AGL: variants seen among roughly 807,000 people sequenced by gnomAD.
AGL encodes glycogen debranching enzyme.
AGL carries 128 observed loss-of-function variants against 199.3 expected under a neutral mutation model. The ratio of observed to expected loss-of-function variants is 0.64; its 90% CI spans 0.56 to 0.74. The LOEUF is 0.74. Among genes scored for constraint, AGL ranks in the 30% least tolerant of loss-of-function variants. The pLI, the probability that AGL is intolerant of heterozygous loss-of-function variation, is 0.00. For missense variants in AGL, 1,809 were observed against 1,820.8 expected, an observed-to-expected ratio of 0.99 and a Z score of 0.12; for synonymous variants, 584 against 594.7, an observed-to-expected ratio of 0.98 and a Z score of 0.26.
At chr1:99,916,356 T>C in intron 31 of AGL, 54 bp from the exon 32 acceptor site, 1 of 1,371,980 alleles carries the variant, frequency 7.3e-7, no homozygotes, top group Non-Finnish European at 1.0e-6. Context: ...TCTAATGCTT[T>C]TTACATAATA....
At chr1:99,906,202 A>G (rs1364791487) in intron 27 of AGL, among the ~76,000 whole-genome samples, 3 of 152,234 alleles carry the variant, frequency 2.0e-5, no homozygotes, top group Non-Finnish European at 4.4e-5. Flanking sequence ...CAATTATCCT[A>G]GGGACCTCAT....
rs1163779793 is a variant in AGL, at chr1:99,890,840, G to GA, written c.2813-374dup. ...TGATGAACCCACTACTTTTCAACAT[G>GA]AAAAAATACAGGCTTATTACTTTTC... is the stretch of plus-strand genomic sequence containing the variant. On this transcript the variant is annotated intron_variant, in intron 21 of 33. Coordinates refer to ENST00000361915, the MANE Select transcript of AGL (RefSeq NM_000642.3). Among the ~76,000 whole-genome samples, 7 of 152,096 alleles carry GA rather than the reference G, an allele frequency of 4.6e-5. No individual in the cohort carries two copies. The East Asian group carries it at 9.6e-4, about 21-fold the overall frequency.
intron 33 of AGL, 101 bp downstream of exon 33, chr1:99,916,832 AG>A: frequency 7.9e-7 from 1 of 1,268,216 alleles, no homozygotes; most frequent in Non-Finnish European, 1.1e-6. Flanking sequence ...TGTATGCCCT[AG>A]GTATCCCAAT....
At chr1:99,873,141 A>G (rs1031939014) in intron 7 of AGL, among the ~76,000 whole-genome samples, 1 of 151,684 alleles carries the variant, frequency 6.6e-6, no homozygotes, top group African/African-American at 2.4e-5. Context: ...TCTAATTTGT[A>G]TTTTTACATT....
intron 7 of AGL, chr1:99,874,455 T>A: frequency 2.3e-6 from 1 of 429,296 alleles, no homozygotes. Context: ...TATGTTATTT[T>A]TGTCTCTGTT....
At chr1:99,911,838 G>T (rs1430283741) in intron 28 of AGL, among the ~76,000 whole-genome samples, 12 of 152,102 alleles carry the variant, frequency 7.9e-5, no homozygotes, top group Non-Finnish European at 4.4e-5. Context: ...ACTTTGGGAG[G>T]TTGGGAGGTT....
Position 99,880,680 on chromosome 1 carries a change from G to T in AGL, c.1784G>T (p.Arg595Leu). Residue 595 changes from arginine (R) to leucine (L), a missense_variant, in exon 14 of 34, where the codon CGA becomes CTA. Coordinates refer to ENST00000361915, the MANE Select transcript of AGL (RefSeq NM_000642.3). ...CATGAAGAGGGCAGATTAGTTTACC[G>T]ATATGGAGGAGAACCTGTTGGATCC... ...NSHEEGRLVY[R>L]YGGEPVGSFV... The T allele has an allele frequency of 6.2e-7, 1 of 1,614,044 alleles. No individual in the cohort carries two copies. Among genetic ancestry groups the T allele is most frequent in the Non-Finnish European group, 8.5e-7 (1 of 1,179,936 alleles).
chr1:99,896,517 TTTTA>T (rs745370395), intron 25 of AGL, 129 bp downstream of exon 25: 6 of 771,312 alleles, frequency 7.8e-6, no homozygotes, highest in Non-Finnish European at 1.3e-5. Context: ...GTAGTTTTTA[TTTTA>T]TTTTTGTATG....
rs539108137 is a variant in AGL, at chr1:99,892,439, C to T, written c.3091C>T (p.Gln1031Ter). ...TAWKQMSSFVQNGSTFVKHLS... is the reference protein window; with the variant it reads ...TAWKQMSSFV ...CAATCACTTTTGTTACAGCTTTGTT[C>T]AGAATGGTTCAACCTTTGTGAAACA... Residue 1031 changes from glutamine (Q) to a stop codon, truncating the protein, a stop_gained, in exon 24 of 34, where the codon CAG becomes TAG. Transcript: ENST00000361915. LOFTEE classifies it high-confidence loss of function. 6.2e-7 allele frequency: 1 copy of T among 1,613,392 alleles called. No homozygotes were observed. The highest frequency in any genetic ancestry group is 1.1e-5 in the South Asian group (1 of 91,032).
At chr1:99,883,938 T>C (rs1019331350) in intron 17 of AGL, among the ~76,000 whole-genome samples, 182 bp from the exon 18 acceptor site, 2 of 152,188 alleles carry the variant, frequency 1.3e-5, no homozygotes, top group African/African-American at 4.8e-5. Context: ...AACTAAGCTG[T>C]AATTTTTTTT....
At chr1:99,878,837 C>T (rs926236503) in intron 12 of AGL, among the ~76,000 whole-genome samples, 8 of 152,064 alleles carry the variant, frequency 5.3e-5, no homozygotes, top group South Asian at 2.1e-4. Flanking sequence ...CAAAAAATGA[C>T]GGCTTTATTT....
intron 24 of AGL, among the ~76,000 whole-genome samples, chr1:99,894,846 C>A (rs2100799675): frequency 6.6e-6 from 1 of 152,230 alleles, no homozygotes; most frequent in South Asian, 2.1e-4. Flanking sequence ...TGAATACATA[C>A]TTGTTGGTGA....
intron 4 of AGL, among the ~76,000 whole-genome samples, chr1:99,863,087 C>CT (rs1311682220): frequency 6.6e-6 from 1 of 151,842 alleles, no homozygotes. Flanking sequence ...TTATAGGCAC[C>CT]TGCCACCATG....
At chr1:99,855,781 A>G (rs867513724) in intron 2 of AGL, among the ~76,000 whole-genome samples, 20 of 152,238 alleles carry the variant, frequency 1.3e-4, no homozygotes, top group Admixed American at 5.2e-4. Context: ...AGCCTGGGCA[A>G]CAGAGCGAGA....
chr1:99,910,782 C>T lies in AGL; in HGVS notation c.3771C>T (p.Gly1257=), dbSNP rs760738241. Reference sequence around the variant, plus strand: ...ATGGAGGAAATCGTTTCAATTGTGGCACATGGATGGATAAAATGGGAGAAA... The same window carrying T: ...ATGGAGGAAATCGTTTCAATTGTGGTACATGGATGGATAAAATGGGAGAAA... ...FVYGGNRFNC[G]TWMDKMGESD... is the part of the protein sequence containing the mutation. Residue 1257 remains glycine, a synonymous_variant, in exon 28 of 34, where the codon GGC becomes GGT. Transcript: ENST00000361915. 10 of 1,612,730 alleles carry T rather than the reference C, an allele frequency of 6.2e-6. No individual in the cohort carries two copies. The highest frequency in any genetic ancestry group is 8.5e-6 in the Non-Finnish European group (10 of 1,179,072).
rs584264 is a variant in AGL at position 99,896,879 on chromosome 1, C to T, written c.3362+491C>T. Among the ~76,000 whole-genome samples, 1,514 of 152,258 alleles carry T rather than the reference C, an allele frequency of 9.9e-3. 33 individuals are homozygous for T. The highest frequency in any genetic ancestry group is 0.035 in the African/African-American group (1,459 of 41,536). On this transcript the variant is annotated intron_variant, in intron 25 of 33. Transcript: ENST00000361915. ...GGGCTGGAGTGCAGCGGCACAGTCT[C>T]GGCTCACTGCAACCTCCGACTCCGC... is the stretch of plus-strand genomic sequence containing the variant.
chr1:99,896,342 G>A lies in AGL; in HGVS notation c.3316G>A (p.Ala1106Thr), dbSNP rs753449391. Residue 1106 changes from alanine to threonine, a missense_variant, in exon 25 of 34, where the codon GCA (alanine) becomes ACA (threonine). Physicochemically the swap from Ala to Thr is moderately conservative, Grantham distance 58. Coordinates refer to ENST00000361915, the MANE Select transcript of AGL (RefSeq NM_000642.3). ...CTGCTGGGGAAGGGATACTTTTATTGCACTTAGAGGTATACTGCTGATTAC... is the reference window on the plus strand; with the variant it reads ...CTGCTGGGGAAGGGATACTTTTATTACACTTAGAGGTATACTGCTGATTAC... ...FRCWGRDTFI[A>T]LRGILLITGR... 1.2e-6 allele frequency: 2 copies of A among 1,613,960 alleles called. No homozygotes were observed. The highest frequency in any genetic ancestry group is 1.7e-6 in the Non-Finnish European group (2 of 1,179,976).
At chr1:99,893,597 T>C (rs1167972663) in intron 24 of AGL, among the ~76,000 whole-genome samples, 1 of 152,214 alleles carries the variant, frequency 6.6e-6, no homozygotes. Context: ...TCAACCTTTT[T>C]GATTGTGTAC....
intron 5 of AGL, among the ~76,000 whole-genome samples, chr1:99,867,796 C>T (rs1261563099): frequency 6.6e-6 from 1 of 152,066 alleles, no homozygotes; most frequent in Non-Finnish European, 1.5e-5. Flanking sequence ...GCCTTGGCCT[C>T]CCAAAGCGTG....
Sources: gnomAD v4.1 joint callset for allele counts (sites outside exome capture counted in the v4.1 genomes callset) on GRCh38, gnomAD v4.1.1 for gene constraint, MANE v1.5 for transcripts, NCBI Gene and HGNC (gene_info 2026-07-23, HGNC 2026-07-21) for gene names.